CSMD1: variants seen among roughly 807,000 people sequenced by gnomAD.
CSMD1 encodes the protein CUB and Sushi multiple domains 1.
In CSMD1, 213 loss-of-function variants were observed where a neutral mutation model predicts 417.5. The ratio of observed to expected loss-of-function variants is 0.51; its 90% CI spans 0.46 to 0.57. The LOEUF (loss-of-function observed/expected upper bound fraction) is 0.57, where lower values mean the gene tolerates loss of function less well. Ranked by LOEUF, CSMD1 falls within the 20% of genes least tolerant of loss-of-function variation. CSMD1 has a pLI of 0.00. For synonymous variants in CSMD1, 2,862 were observed against 1,736.8 expected, an observed-to-expected ratio of 1.65 and a Z score of -16.11; for missense variants, 6,923 against 4,529.7, an observed-to-expected ratio of 1.53 and a Z score of -15.17.
At chr8:4,207,775 C>T (rs1053932825) in intron 3 of CSMD1, among the ~76,000 whole-genome samples, 1 of 151,996 alleles carries the variant, frequency 6.6e-6, no homozygotes, top group Non-Finnish European at 1.5e-5. Flanking sequence ...GGATAGCAAA[C>T]CATTAGAACT....
intron 3 of CSMD1, among the ~76,000 whole-genome samples, chr8:4,331,574 C>T (rs184569758): frequency 1.3e-5 from 2 of 152,112 alleles, no homozygotes; most frequent in African/African-American, 2.4e-5. Context: ...AGCTGGGAGA[C>T]TGCAGACAAT....
At chr8:3,426,732 A>C (rs1165897673) in intron 12 of CSMD1, among the ~76,000 whole-genome samples, 1 of 152,244 alleles carries the variant, frequency 6.6e-6, no homozygotes, top group Non-Finnish European at 1.5e-5. Flanking sequence ...TTTATAGTTT[A>C]CTAAAATGTA....
At chr8:3,993,542 T>TTA (rs1814922523) in intron 5 of CSMD1, among the ~76,000 whole-genome samples, 1 of 152,210 alleles carries the variant, frequency 6.6e-6, no homozygotes, top group Admixed American at 6.5e-5. Flanking sequence ...AGTAAAATTG[T>TTA]GCTGGTTTAA....
intron 1 of CSMD1, among the ~76,000 whole-genome samples, chr8:4,937,690 T>A (rs1480752564): frequency 1.3e-5 from 2 of 152,148 alleles, no homozygotes; most frequent in Admixed American, 1.3e-4. Context: ...CAGTGGTTTC[T>A]TTAGGGGTAT....
At chr8:4,725,755 C>A (rs1809389965) in intron 1 of CSMD1, among the ~76,000 whole-genome samples, 1 of 152,116 alleles carries the variant, frequency 6.6e-6, no homozygotes, top group African/African-American at 2.4e-5. Flanking sequence ...TATTTAGTAG[C>A]TGGTACCTTG....
chr8:4,530,560 G>T (rs2130453668), intron 2 of CSMD1, among the ~76,000 whole-genome samples: 1 of 143,754 alleles, frequency 7.0e-6, no homozygotes, highest in Non-Finnish European at 1.5e-5. Context: ...TGTTCTCATT[G>T]TTCAGCTCCC....
At chr8:3,479,792 G>C (rs1294867156) in intron 11 of CSMD1, among the ~76,000 whole-genome samples, 1 of 152,008 alleles carries the variant, frequency 6.6e-6, no homozygotes, top group African/African-American at 2.4e-5. Context: ...AAATGAATCA[G>C]AGGGTGGATT....
At chr8:3,992,723 G>A (rs1403595) in intron 5 of CSMD1, among the ~76,000 whole-genome samples, 1 of 152,220 alleles carries the variant, frequency 6.6e-6, no homozygotes, top group African/African-American at 2.4e-5. Flanking sequence ...TGAGGCTACA[G>A]TGAGCTATGA....
chr8:4,167,249 G>T (rs571843201), intron 3 of CSMD1, among the ~76,000 whole-genome samples: 1 of 152,100 alleles, frequency 6.6e-6, no homozygotes, highest in Non-Finnish European at 1.5e-5. Context: ...GTCTTCGAAG[G>T]TGAGAAAAAC....
intron 1 of CSMD1, among the ~76,000 whole-genome samples, chr8:4,809,364 C>G (rs1238411700): frequency 6.6e-6 from 1 of 152,188 alleles, no homozygotes; most frequent in South Asian, 2.1e-4. Context: ...ACAACTGCTT[C>G]TAAAATCTCC....
At chr8:4,618,950 T>C (rs1016117415) in intron 2 of CSMD1, among the ~76,000 whole-genome samples, 13 of 152,286 alleles carry the variant, frequency 8.5e-5, no homozygotes, top group African/African-American at 2.4e-4. Context: ...ATCCATATTT[T>C]ATTTCTAGTA....
chr8:3,603,948 A>G lies in CSMD1; in HGVS notation c.1097+12762T>C, dbSNP rs910950708. Among the ~76,000 whole-genome samples, 13 of 152,224 alleles carry G rather than the reference A, an allele frequency of 8.5e-5. No individual in the cohort carries two copies. In the East Asian group the frequency reaches 1.3e-3, roughly 16 times the overall value. On this transcript the variant is annotated intron_variant, in intron 8 of 69. Coordinates refer to ENST00000635120, the MANE Select transcript of CSMD1 (RefSeq NM_033225.6). ...AACAGCAGCTTTTTTATTGGGAATA[A>G]TTATGTTCTTACAAGTTTACCTGTA... is the stretch of plus-strand genomic sequence containing the variant.
rs901912054 is a variant in CSMD1, at chr8:4,050,758, T to A, written c.416-18659A>T. ...TTAAGTCACTAAACTATAAATGCCC[T>A]AATTGACCAAGTGTATAAAATTCAG... On this transcript the variant is annotated intron_variant, in intron 3 of 69. Coordinates refer to ENST00000635120, the MANE Select transcript of CSMD1 (RefSeq NM_033225.6). 5.9e-5 allele frequency among the ~76,000 whole-genome samples: 9 copies of A among 152,178 alleles called. 1 individual carries two copies. Among genetic ancestry groups the A allele is most frequent in the African/African-American group, 2.2e-4 (9 of 41,438 alleles).
chr8:3,955,004 A>G (rs1312814675), intron 5 of CSMD1, among the ~76,000 whole-genome samples: 3 of 152,210 alleles, frequency 2.0e-5, no homozygotes, highest in Non-Finnish European at 4.4e-5. Flanking sequence ...GTGGACCATC[A>G]GGAAATGGCC....
In CSMD1 at chr8:3,408,045, T is replaced by C; in HGVS notation, c.1925A>G (p.Asp642Gly). 6.2e-7 allele frequency: 1 copy of C among 1,613,956 alleles called. No homozygotes were observed. Among genetic ancestry groups the C allele is most frequent in the South Asian group, 1.1e-5 (1 of 91,078 alleles). ...EPQFDFLAVK[D>G]DGISDITVLG... ...GACAGTTATGTCAGAAATGCCATCA[T>C]CCTTGACCGCGAGAAAGTCAAACTG... The change falls in exon 14 of 70, where the codon GAT becomes GGT. Residue 642 changes from aspartate (D) to glycine (G), a missense_variant. Coordinates refer to ENST00000635120, the MANE Select transcript of CSMD1 (RefSeq NM_033225.6).
chr8:3,189,862 T>G, intron 34 of CSMD1, 50 bp downstream of exon 34: 1 of 1,479,580 alleles, frequency 6.8e-7, no homozygotes, highest in Non-Finnish European at 9.2e-7. Context: ...AGTAACTCTT[T>G]GGCACCACCA....
In CSMD1 at chr8:3,352,299, C is replaced by T. The variant is rs529971185; in HGVS notation, c.3305-4138G>A. ...TGCAAACACAGCCTGAACCAGGTTG[C>T]AGGGAATGCCCTAAAACAGTTGAAT... is the stretch of plus-strand genomic sequence containing the variant. On this transcript the variant is annotated intron_variant, in intron 21 of 69. Transcript: ENST00000635120. Among the ~76,000 whole-genome samples, 38 of 152,284 alleles carry T rather than the reference C, an allele frequency of 2.5e-4. No individual in the cohort carries two copies. The South Asian group carries it at 7.2e-3, about 29-fold the overall frequency.
At chr8:4,030,041 C>T (rs1006153878) in intron 4 of CSMD1, among the ~76,000 whole-genome samples, 3 of 152,186 alleles carry the variant, frequency 2.0e-5, no homozygotes, top group African/African-American at 7.2e-5. Context: ...CAGTCTTGGG[C>T]AGGTGTACCC....
At chr8:3,249,081 T>C (rs940855823) in intron 26 of CSMD1, among the ~76,000 whole-genome samples, 1 of 152,156 alleles carries the variant, frequency 6.6e-6, no homozygotes, top group Admixed American at 6.5e-5. Flanking sequence ...TCTCAAAAAA[T>C]GTTTGTCGAA....
Sources: allele counts gnomAD v4.1 joint callset (sites outside exome capture counted in the v4.1 genomes callset), GRCh38; gene constraint gnomAD v4.1.1; transcripts MANE v1.5; gene names NCBI Gene and HGNC (gene_info 2026-07-23, HGNC 2026-07-21).